IPCEF1: variants seen among roughly 807,000 people sequenced by gnomAD.
IPCEF1 encodes interaction protein for cytohesin exchange factors 1, also known as interactor protein for cytohesin exchange factors 1.
IPCEF1 carries 31 observed loss-of-function variants against 50.9 expected under a neutral mutation model. That is an observed-to-expected ratio of 0.61 (90% CI 0.46 to 0.82). The LOEUF is 0.82. Ranked by LOEUF, IPCEF1 falls within the 40% of genes least tolerant of loss-of-function variation. IPCEF1 has a pLI of 0.00. For synonymous variants in IPCEF1, 181 were observed against 192.0 expected, an observed-to-expected ratio of 0.94 and a Z score of 0.47; for missense variants, 458 against 514.0, an observed-to-expected ratio of 0.89 and a Z score of 1.05.
chr6:154,284,834 T>C (rs11963570), intron 2 of IPCEF1, among the ~76,000 whole-genome samples: 12,732 of 152,118 alleles, frequency 0.084, 930 homozygotes, highest in African/African-American at 0.2. Context: ...ACCCCGTCTC[T>C]ACTAAAAATA....
intron 1 of IPCEF1, among the ~76,000 whole-genome samples, chr6:154,326,120 G>A (rs1289318115): frequency 6.6e-6 from 1 of 151,872 alleles, no homozygotes; most frequent in Admixed American, 6.6e-5. Flanking sequence ...CAGCTACTTG[G>A]GAGGCTGAGG....
intron 9 of IPCEF1, among the ~76,000 whole-genome samples, chr6:154,209,661 A>G (rs1012850244): frequency 3.4e-5 from 5 of 149,112 alleles, no homozygotes; most frequent in Non-Finnish European, 7.5e-5. Flanking sequence ...AAAAAAAAAA[A>G]GTTACTATAT....
intron 10 of IPCEF1, among the ~76,000 whole-genome samples, chr6:154,176,725 AT>A (rs1185417909): frequency 2.6e-5 from 4 of 152,198 alleles, no homozygotes; most frequent in Non-Finnish European, 5.9e-5. Flanking sequence ...AATCAATATC[AT>A]GAAAATGGCC....
At chr6:154,172,169 C>T (rs1470249651) in intron 10 of IPCEF1, among the ~76,000 whole-genome samples, 1 of 152,194 alleles carries the variant, frequency 6.6e-6, no homozygotes, top group Non-Finnish European at 1.5e-5. Context: ...ATTATCATTG[C>T]TTCCAAGATA....
intron 10 of IPCEF1, among the ~76,000 whole-genome samples, chr6:154,175,024 C>T (rs1231785387): frequency 1.3e-5 from 2 of 152,070 alleles, no homozygotes; most frequent in Non-Finnish European, 2.9e-5. Context: ...AAACTCACTC[C>T]AAACTGCACA....
chr6:154,249,271 G>A (rs533980306), intron 3 of IPCEF1, among the ~76,000 whole-genome samples: 1 of 152,156 alleles, frequency 6.6e-6, no homozygotes, highest in South Asian at 2.1e-4. Context: ...CATCTCCTGG[G>A]ACCTTTTTTT....
chr6:154,265,437 T>C (rs1247643468), intron 3 of IPCEF1, among the ~76,000 whole-genome samples: 4 of 151,396 alleles, frequency 2.6e-5, no homozygotes, highest in Non-Finnish European at 5.9e-5. Flanking sequence ...CACACCACCA[T>C]ATCCAGCTAA....
At chr6:154,271,457 C>T (rs903045485) in intron 2 of IPCEF1, among the ~76,000 whole-genome samples, 3 of 151,890 alleles carry the variant, frequency 2.0e-5, no homozygotes, top group African/African-American at 7.3e-5. Context: ...TGTGCAAGTC[C>T]TAAAGTTTAC....
At chr6:154,199,202 G>C (rs1776879109) in intron 10 of IPCEF1, among the ~76,000 whole-genome samples, 1 of 152,164 alleles carries the variant, frequency 6.6e-6, no homozygotes, top group Non-Finnish European at 1.5e-5. Context: ...CAACCACACA[G>C]GAACATTCAG....
intron 11 of IPCEF1, among the ~76,000 whole-genome samples, chr6:154,165,067 T>C (rs1346374599): frequency 6.6e-6 from 1 of 152,216 alleles, no homozygotes; most frequent in African/African-American, 2.4e-5. Context: ...TGAAACTCTG[T>C]TGTCTTTGCT....
intron 11 of IPCEF1, among the ~76,000 whole-genome samples, chr6:154,165,714 A>C (rs1799374181): frequency 6.6e-6 from 1 of 152,216 alleles, no homozygotes; most frequent in South Asian, 2.1e-4. Flanking sequence ...AAATGAGATG[A>C]CCCAATGACT....
At chr6:154,349,807 A>C (rs1313686227) in intron 1 of IPCEF1, among the ~76,000 whole-genome samples, 1 of 152,238 alleles carries the variant, frequency 6.6e-6, no homozygotes, top group Non-Finnish European at 1.5e-5. Flanking sequence ...AAGATTATAT[A>C]AAATTAACAA....
intron 1 of IPCEF1, among the ~76,000 whole-genome samples, chr6:154,354,320 TCTA>T (rs1784166332): frequency 6.7e-6 from 1 of 149,726 alleles, no homozygotes; most frequent in Admixed American, 6.7e-5. Flanking sequence ...TACCATCACC[TCTA>T]CCATCACTTC....
At chr6:154,354,676 C>T (rs1784185227) in intron 1 of IPCEF1, among the ~76,000 whole-genome samples, 2 of 152,072 alleles carry the variant, frequency 1.3e-5, no homozygotes, top group South Asian at 2.1e-4. Context: ...CACCATGTAT[C>T]GCCAACCCTT....
At position 154,168,162 on chromosome 6, in the gene IPCEF1, T is replaced by C; in HGVS notation, c.911-49A>G. On this transcript the variant is annotated intron_variant, in intron 10 of 11. Transcript: ENST00000367220. This position sits in a 1 kb window ranked among gnomAD's most constrained non-coding sequence, Gnocchi z 4.1. ...CAGTAACAATAAACCCAGTGAAAAATCAAGGAGAGAACATTCAATACTGTG... is the reference window on the plus strand; with the variant it reads ...CAGTAACAATAAACCCAGTGAAAAACCAAGGAGAGAACATTCAATACTGTG... 7.1e-7 allele frequency: 1 copy of C among 1,410,224 alleles called. No homozygotes were observed. Among genetic ancestry groups the C allele is most frequent in the East Asian group, 2.3e-5 (1 of 43,176 alleles). The allele number at this position is 1,410,224 out of a possible 1,614,324, so 87.4% of individuals were successfully genotyped here.
In IPCEF1 at chr6:154,356,741, G is replaced by A. The variant is rs1316662827; in HGVS notation, c.-131C>T. 3 of 152,188 alleles carry A rather than the reference G, an allele frequency of 2.0e-5. No homozygotes were observed. The highest frequency in any genetic ancestry group is 2.9e-5 in the Non-Finnish European group (2 of 68,040). 9.4% of individuals were successfully genotyped at this position (152,188 alleles called of 1,614,324 possible). A position where few individuals can be genotyped will look rare whatever the true frequency, so the allele number is the denominator to read the frequency against. On this transcript the variant is annotated 5_prime_UTR_variant, in exon 1 of 12. Transcript: ENST00000367220. ...ATTCAGAAGCCTCATAGTACTCTGA[G>A]GCCAAGCTTGAGGATTCTACTTAAA...
intron 1 of IPCEF1, among the ~76,000 whole-genome samples, chr6:154,316,619 G>C (rs940983879): frequency 1.3e-5 from 2 of 152,204 alleles, no homozygotes; most frequent in African/African-American, 4.8e-5. Context: ...CCAAGGGTTA[G>C]GGGAAGAGGA....
At chr6:154,186,330 T>C (rs1801339970) in intron 10 of IPCEF1, among the ~76,000 whole-genome samples, 1 of 152,254 alleles carries the variant, frequency 6.6e-6, no homozygotes, top group African/African-American at 2.4e-5. Context: ...TGAAATCATC[T>C]TTGACTTCTG....
At chr6:154,240,095 T>C (rs1417016812) in intron 5 of IPCEF1, among the ~76,000 whole-genome samples, 2 of 152,154 alleles carry the variant, frequency 1.3e-5, no homozygotes, top group African/African-American at 4.8e-5. Flanking sequence ...TCAAATAAAT[T>C]AAAAGCCCAT....
Sources: allele counts gnomAD v4.1 joint callset (sites outside exome capture counted in the v4.1 genomes callset), GRCh38; gene constraint gnomAD v4.1.1; non-coding constraint Gnocchi (gnomAD v3.1); transcripts MANE v1.5; gene names NCBI Gene and HGNC (gene_info 2026-07-23, HGNC 2026-07-21).